Variants in DACH1 observed in about 807,000 individuals in gnomAD.
DACH1 encodes the protein dachshund homolog 1.
A neutral mutation model predicts 54.2 loss-of-function variants in DACH1; 12 were observed. The ratio of observed to expected loss-of-function variants is 0.22; its 90% CI spans 0.14 to 0.36. The LOEUF (loss-of-function observed/expected upper bound fraction) is 0.36. DACH1 is among the 10% of genes least tolerant of loss of function. The pLI is 1.00. For synonymous variants in DACH1, 386 were observed against 366.2 expected, an observed-to-expected ratio of 1.05 and a Z score of -0.62; for missense variants, 805 against 929.8, an observed-to-expected ratio of 0.87 and a Z score of 1.75.
At chr13:71,827,852 G>A (rs1658876281) in intron 1 of DACH1, among the ~76,000 whole-genome samples, 1 of 151,938 alleles carries the variant, frequency 6.6e-6, no homozygotes. Flanking sequence ...CTTCATTAAG[G>A]CAAGCGCCTG....
At chr13:71,864,836 G>C (rs1874612876) in intron 1 of DACH1, among the ~76,000 whole-genome samples, 1 of 151,358 alleles carries the variant, frequency 6.6e-6, no homozygotes, top group Admixed American at 6.6e-5. Flanking sequence ...TCCTCCGTGC[G>C]CGCGCTTTGC....
chr13:71,537,863 C>T (rs550573160), intron 6 of DACH1, among the ~76,000 whole-genome samples: 2 of 152,152 alleles, frequency 1.3e-5, no homozygotes, highest in African/African-American at 4.8e-5. Flanking sequence ...ACTAGACAAA[C>T]ATAAAAATGT....
intron 1 of DACH1, among the ~76,000 whole-genome samples, chr13:71,837,324 T>C (rs929439228): frequency 6.6e-6 from 1 of 152,144 alleles, no homozygotes; most frequent in Non-Finnish European, 1.5e-5. Flanking sequence ...CCAACTTCAA[T>C]GGTAGATAAA....
chr13:71,547,432 T>C (rs896014645), intron 6 of DACH1, among the ~76,000 whole-genome samples: 2 of 152,144 alleles, frequency 1.3e-5, no homozygotes, highest in Non-Finnish European at 2.9e-5. Context: ...CATCTGTCAA[T>C]TTCACAGTAG....
At chr13:71,759,413 A>AT (rs774249770) in intron 1 of DACH1, among the ~76,000 whole-genome samples, 6 of 152,140 alleles carry the variant, frequency 3.9e-5, no homozygotes, top group Non-Finnish European at 2.9e-5. Context: ...ATTAAGTGTC[A>AT]TTTTCAAAAC....
intron 1 of DACH1, among the ~76,000 whole-genome samples, chr13:71,683,011 A>G (rs1336257722): frequency 1.3e-5 from 2 of 152,158 alleles, no homozygotes; most frequent in Non-Finnish European, 2.9e-5. Flanking sequence ...ATAAATAAGC[A>G]TTTTCATGTT....
intron 1 of DACH1, among the ~76,000 whole-genome samples, chr13:71,845,142 T>C (rs1873142299): frequency 6.6e-6 from 1 of 152,114 alleles, no homozygotes; most frequent in East Asian, 1.9e-4. Context: ...AAATGATAAA[T>C]GTTTGAGATG....
intron 10 of DACH1, among the ~76,000 whole-genome samples, chr13:71,443,700 G>A (rs1353027426): frequency 6.6e-6 from 1 of 152,094 alleles, no homozygotes; most frequent in African/African-American, 2.4e-5. Flanking sequence ...GTAGATATGT[G>A]TAGATATGCA....
intron 2 of DACH1, among the ~76,000 whole-genome samples, chr13:71,655,178 C>T (rs1879004543): frequency 6.6e-6 from 1 of 152,076 alleles, no homozygotes; most frequent in African/African-American, 2.4e-5. Flanking sequence ...ACTTTTCAGC[C>T]CTCAATGACT....
intron 3 of DACH1, among the ~76,000 whole-genome samples, chr13:71,585,992 A>G (rs1265180298): frequency 6.6e-6 from 1 of 152,162 alleles, no homozygotes; most frequent in Non-Finnish European, 1.5e-5. Context: ...AGCCATGACA[A>G]AACAATTATG....
intron 6 of DACH1, among the ~76,000 whole-genome samples, chr13:71,554,232 A>C (rs1040317734): frequency 2.6e-5 from 4 of 152,092 alleles, no homozygotes; most frequent in Non-Finnish European, 5.9e-5. Context: ...ACTAGATAAA[A>C]GAAGGTACAC....
intron 6 of DACH1, among the ~76,000 whole-genome samples, chr13:71,549,242 T>G (rs1292104278): frequency 6.6e-6 from 1 of 152,140 alleles, no homozygotes; most frequent in Admixed American, 6.6e-5. Context: ...AATGTGAAAC[T>G]GATAAGTGAG....
intron 6 of DACH1, among the ~76,000 whole-genome samples, chr13:71,512,247 C>T (rs1880831794): frequency 6.6e-6 from 1 of 151,746 alleles, no homozygotes. Flanking sequence ...TTCCTGGCAC[C>T]CACCTGTTGG....
rs1440336608 is a variant in DACH1 at position 71,440,753 on chromosome 13, TA to T, written c.2084-62del. 21 of 1,295,748 alleles carry T rather than the reference TA, an allele frequency of 1.6e-5. No individual in the cohort carries two copies. In the East Asian group the frequency reaches 4.3e-4, roughly 27 times the overall value. 80.3% of individuals were successfully genotyped at this position (1,295,748 alleles called of 1,614,324 possible). A position where few individuals can be genotyped will look rare whatever the true frequency, so the allele number is the denominator to read the frequency against. ...GGTATTTGGGGTACAAATGTGCATG[TA>T]AAAATGATGTAACTTGATATAAAAT... is the stretch of plus-strand genomic sequence containing the variant. On this transcript the variant is annotated intron_variant, in intron 10 of 10. Transcript: ENST00000613252.
At chr13:71,778,309 A>G (rs1886153198) in intron 1 of DACH1, among the ~76,000 whole-genome samples, 1 of 151,982 alleles carries the variant, frequency 6.6e-6, no homozygotes, top group Non-Finnish European at 1.5e-5. Context: ...ATTTCTTGAT[A>G]CTTTGATTTT....
intron 1 of DACH1, among the ~76,000 whole-genome samples, chr13:71,755,422 G>A (rs1412957907): frequency 6.6e-6 from 1 of 152,154 alleles, no homozygotes; most frequent in Non-Finnish European, 1.5e-5. Context: ...GACGAAACTG[G>A]TGTTAATTTT....
chr13:71,864,568 C>T (rs1207648624), intron 1 of DACH1, among the ~76,000 whole-genome samples: 4 of 152,140 alleles, frequency 2.6e-5, no homozygotes, highest in African/African-American at 4.8e-5. Context: ...GCAAATTTTG[C>T]GCGCAGTTCC....
chr13:71,859,021 C>T (rs1466681731), intron 1 of DACH1, among the ~76,000 whole-genome samples: 2 of 151,512 alleles, frequency 1.3e-5, no homozygotes, highest in African/African-American at 2.4e-5. Context: ...TTGTAGTTTA[C>T]AACACTTCAA....
At chr13:71,602,952 A>C (rs1302423140) in intron 3 of DACH1, among the ~76,000 whole-genome samples, 1 of 152,022 alleles carries the variant, frequency 6.6e-6, no homozygotes, top group Non-Finnish European at 1.5e-5. Flanking sequence ...TGCCAACATA[A>C]GCTACTTGAA....
Sources: gnomAD v4.1 joint callset for allele counts (sites outside exome capture counted in the v4.1 genomes callset) on GRCh38, gnomAD v4.1.1 for gene constraint, MANE v1.5 for transcripts, NCBI Gene and HGNC (gene_info 2026-07-23, HGNC 2026-07-21) for gene names.